Variants in AKAP13 observed in about 807,000 individuals in gnomAD.
The protein encoded by AKAP13 is A-kinase anchor protein 13.
A neutral mutation model predicts 264.5 loss-of-function variants in AKAP13; 80 were observed. The observed-to-expected ratio is 0.30, with a 90% confidence interval of 0.25 to 0.36. The LOEUF (loss-of-function observed/expected upper bound fraction) is 0.36, where lower values mean the gene tolerates loss of function less well. Among genes scored for constraint, AKAP13 ranks in the 10% least tolerant of loss-of-function variants. AKAP13 has a pLI of 1.00. For missense variants in AKAP13, 3,712 were observed against 3,435.2 expected (o/e 1.08, Z -2.01); for synonymous variants, 1,380 against 1,250.2 (o/e 1.10, Z -2.19).
chr15:85,683,919 G>A (rs1021416919), intron 15 of AKAP13, among the ~76,000 whole-genome samples: 1 of 152,194 alleles, frequency 6.6e-6, no homozygotes, highest in African/African-American at 2.4e-5. Context: ...TCAACACTGT[G>A]CCTCAATTCT....
At chr15:85,527,745 G>T (rs536560135) in intron 3 of AKAP13, among the ~76,000 whole-genome samples, 16 of 152,304 alleles carry the variant, frequency 1.1e-4, no homozygotes, top group Admixed American at 7.8e-4. Context: ...CCAGCAGTGG[G>T]TGTATACTTC....
At chr15:85,555,037 A>C (rs933956229) in intron 5 of AKAP13, among the ~76,000 whole-genome samples, 81 of 150,788 alleles carry the variant, frequency 5.4e-4, no homozygotes, top group Non-Finnish European at 2.7e-4. Context: ...CCTCCCCCCC[A>C]AAAAAAGGAA....
intron 17 of AKAP13, among the ~76,000 whole-genome samples, chr15:85,705,895 T>C (rs902257437): frequency 6.6e-6 from 1 of 150,774 alleles, no homozygotes; most frequent in Non-Finnish European, 1.5e-5. Context: ...AAACAACATA[T>C]AATTTGTTTT....
chr15:85,394,639 G>T (rs2071028017), intron 1 of AKAP13, among the ~76,000 whole-genome samples: 1 of 152,120 alleles, frequency 6.6e-6, no homozygotes, highest in African/African-American at 2.4e-5. Context: ...CCCACCCCCT[G>T]GTAAAATGGC....
intron 8 of AKAP13, among the ~76,000 whole-genome samples, chr15:85,611,828 C>T (rs772983636): frequency 2.0e-5 from 3 of 152,054 alleles, no homozygotes; most frequent in African/African-American, 7.2e-5. Context: ...TCTGCCTGAA[C>T]GTAGACACAG....
chr15:85,473,707 T>G (rs1383999140), intron 1 of AKAP13, among the ~76,000 whole-genome samples: 1 of 152,174 alleles, frequency 6.6e-6, no homozygotes, highest in Non-Finnish European at 1.5e-5. Context: ...GCTTTGGTCA[T>G]AGTAAGAGGG....
Position 85,747,849 on chromosome 15 carries a change from TAATA to T in AKAP13, c.*3173_*3176del, listed in dbSNP as rs1435540870. On this transcript the variant is annotated 3_prime_UTR_variant, in exon 37 of 37. Transcript: ENST00000394518. ...TTTTTTCCCCTTCTGTGTCTCAGGG[TAATA>T]CTATTCAGAGTCGCCCCTTTGCTCA... 1 of 153,326 alleles carries T rather than the reference TAATA, an allele frequency of 6.5e-6. No homozygotes were observed. Among genetic ancestry groups the T allele is most frequent in the East Asian group, 1.9e-4 (1 of 5,200 alleles). 9.5% of individuals were successfully genotyped at this position (153,326 alleles called of 1,614,324 possible).
At chr15:85,498,373 C>G (rs1202425858) in intron 2 of AKAP13, among the ~76,000 whole-genome samples, 1 of 152,144 alleles carries the variant, frequency 6.6e-6, no homozygotes, top group African/African-American at 2.4e-5. Context: ...GCTGAGAGCT[C>G]TTTCCCTTGT....
At chr15:85,427,143 G>A (rs946770884) in intron 1 of AKAP13, among the ~76,000 whole-genome samples, 1 of 151,838 alleles carries the variant, frequency 6.6e-6, no homozygotes, top group Non-Finnish European at 1.5e-5. Flanking sequence ...TTTTAGTAGA[G>A]ACGGGGTTTC....
intron 29 of AKAP13, among the ~76,000 whole-genome samples, chr15:85,729,672 C>T (rs143816988): frequency 6.6e-6 from 1 of 152,112 alleles, no homozygotes; most frequent in Non-Finnish European, 1.5e-5. Context: ...TGCGGTGGCT[C>T]ACACCTGTAA....
intron 1 of AKAP13, among the ~76,000 whole-genome samples, chr15:85,459,359 T>C (rs1161046770): frequency 7.0e-6 from 1 of 142,844 alleles, no homozygotes; most frequent in Admixed American, 7.0e-5. Flanking sequence ...CTAATTTTTT[T>C]TTTTTTTTTT....
At chr15:85,400,676 C>G (rs941644389) in intron 1 of AKAP13, among the ~76,000 whole-genome samples, 1 of 151,878 alleles carries the variant, frequency 6.6e-6, no homozygotes, top group Admixed American at 6.6e-5. Context: ...GTAGGAAGAA[C>G]TAGTTGTATA....
chr15:85,619,645 A>G, intron 8 of AKAP13: 1 of 986,686 alleles, frequency 1.0e-6, no homozygotes. Flanking sequence ...TCTTCCTGGC[A>G]AAGTATATAC....
In AKAP13 at chr15:85,655,850, T is replaced by G. The variant is rs897924151; in HGVS notation, c.4745+63T>G. ...TGCTTGCTTTTGAGAAGCTTCTGAT[T>G]TGTATTATTGTTGGTAAAAGAATTT... On this transcript the variant is annotated intron_variant, in intron 11 of 36. Transcript: ENST00000394518. 7.2e-5 allele frequency: 110 copies of G among 1,520,622 alleles called. No homozygotes were observed. The African/African-American group carries it at 1.2e-3, about 16-fold the overall frequency. 94.2% of individuals were successfully genotyped at this position (1,520,622 alleles called of 1,614,324 possible). A position where few individuals can be genotyped will look rare whatever the true frequency, so the allele number is the denominator to read the frequency against.
rs761438853 is a variant in AKAP13 at position 85,579,746 on chromosome 15, A to G, written c.1678A>G (p.Thr560Ala). ...TTCACTTGCATTTAGTAATGAAGAAACCTCCACTGAAAAAACAGCAGAAAC... is the reference window on the plus strand; with the variant it reads ...TTCACTTGCATTTAGTAATGAAGAAGCCTCCACTGAAAAAACAGCAGAAAC... Reference protein sequence around the residue: ...ESSLAFSNEETSTEKTAETET... With the variant: ...ESSLAFSNEEASTEKTAETET... Residue 560 changes from threonine (T) to alanine (A), a missense_variant, in exon 7 of 37, where the codon ACC (threonine) becomes GCC (alanine). This residue lies in a region of AKAP13 where 2,759 missense variants were observed against 2,411.7 expected (regional missense o/e 1.14). Transcript: ENST00000394518. 4 of 1,614,178 alleles carry G rather than the reference A, an allele frequency of 2.5e-6. No homozygotes were observed. The Admixed American group carries it at 5.0e-5, about 20-fold the overall frequency.
At chr15:85,390,427 A>G (rs1046406097) in intron 1 of AKAP13, among the ~76,000 whole-genome samples, 5 of 152,184 alleles carry the variant, frequency 3.3e-5, no homozygotes, top group Non-Finnish European at 7.3e-5. Flanking sequence ...AGGACCTGAG[A>G]TGGGAGAATG....
At position 85,610,650 on chromosome 15, in the gene AKAP13, T is replaced by C. The variant is rs188596333; in HGVS notation, c.4161+24827T>C. ...ATTTTCTCTAAAGGAAAAAAATGTC[T>C]TAAGAGAAAACTCTGAAGAGTTAGT... On this transcript the variant is annotated intron_variant, in intron 8 of 36. Coordinates refer to ENST00000394518, the MANE Select transcript of AKAP13 (RefSeq NM_007200.5). Among the ~76,000 whole-genome samples, 182 of 152,342 alleles carry C rather than the reference T, an allele frequency of 1.2e-3. No individual in the cohort carries two copies. The Middle Eastern group carries it at 0.02, about 17-fold the overall frequency.
intron 1 of AKAP13, among the ~76,000 whole-genome samples, chr15:85,426,521 A>G (rs984691630): frequency 2.0e-5 from 3 of 152,162 alleles, no homozygotes; most frequent in South Asian, 2.1e-4. Context: ...ATAACTGACA[A>G]TTGCGCATAT....
At chr15:85,494,474 A>G (rs533779697) in intron 2 of AKAP13, among the ~76,000 whole-genome samples, 67 of 152,328 alleles carry the variant, frequency 4.4e-4, no homozygotes, top group Non-Finnish European at 7.2e-4. Context: ...CCCATACTTG[A>G]TATGCCAGAG....
Sources: gnomAD v4.1 joint callset for allele counts (sites outside exome capture counted in the v4.1 genomes callset) on GRCh38, gnomAD v4.1.1 for gene constraint, gnomAD v4.1.1 regional missense constraint, MANE v1.5 for transcripts, NCBI Gene and HGNC (gene_info 2026-07-23, HGNC 2026-07-21) for gene names.